Variants in NFS1 observed in about 807,000 individuals in gnomAD.
NFS1 encodes NFS1 cysteine desulfurase, also known as cysteine desulfurase.
NFS1 carries 26 observed loss-of-function variants against 57.3 expected under a neutral mutation model. The ratio of observed to expected loss-of-function variants is 0.45; its 90% CI spans 0.33 to 0.63. NFS1 has a LOEUF of 0.63. NFS1 is among the 20% of genes least tolerant of loss of function. The probability of loss-of-function intolerance (pLI) is 0.02; values close to 1 mark genes in which losing one functional copy is unlikely to be tolerated. For missense variants in NFS1, 505 were observed against 605.8 expected (o/e 0.83, Z 1.75); for synonymous variants, 209 against 216.3 (o/e 0.97, Z 0.30).
chr20:35,681,125 C>T lies in NFS1; in HGVS notation c.656-254G>A, dbSNP rs187159428. Among the ~76,000 whole-genome samples, 387 of 151,846 alleles carry T rather than the reference C, an allele frequency of 2.5e-3. 1 individual carries two copies. Among genetic ancestry groups the T allele is most frequent in the Non-Finnish European group, 3.9e-3 (267 of 67,974 alleles). ...GGGCAAAGCACCAGATCGAAACACT[C>T]GTGATATTCTTATGCATACAATTCT... On this transcript the variant is annotated intron_variant, in intron 6 of 12. Transcript: ENST00000374092.
At chr20:35,684,952 G>A (rs1173046462) in intron 5 of NFS1, among the ~76,000 whole-genome samples, 1 of 150,872 alleles carries the variant, frequency 6.6e-6, no homozygotes, top group Non-Finnish European at 1.5e-5. Context: ...CAGTGGCGGG[G>A]TCTCACTCAC....
Position 35,669,525 on chromosome 20 carries a change from A to G in NFS1, c.*97T>C. 9.3e-7 allele frequency: 1 copy of G among 1,075,906 alleles called. No individual in the cohort carries two copies. Among genetic ancestry groups the G allele is most frequent in the Non-Finnish European group, 1.4e-6 (1 of 692,688 alleles). The allele number at this position is 1,075,906 out of a possible 1,614,324, so 66.6% of individuals were successfully genotyped here. A position where few individuals can be genotyped will look rare whatever the true frequency, so the allele number is the denominator to read the frequency against. On this transcript the variant is annotated 3_prime_UTR_variant, in exon 13 of 13. Transcript: ENST00000374092. Reference sequence around the variant, plus strand: ...TGCTGAAGTCAACTGGTCTATACCAATCTAGAGCATCCACTAGGTGTAACA... The same window carrying G: ...TGCTGAAGTCAACTGGTCTATACCAGTCTAGAGCATCCACTAGGTGTAACA...
At chr20:35,691,852 C>T (rs2035045957) in intron 4 of NFS1, among the ~76,000 whole-genome samples, 1 of 151,148 alleles carries the variant, frequency 6.6e-6, no homozygotes, top group African/African-American at 2.4e-5. Flanking sequence ...AGTTTGAGAC[C>T]AGCCTGACGA....
At chr20:35,696,623 C>A (rs1240974056) in intron 3 of NFS1, among the ~76,000 whole-genome samples, 163 bp from the exon 4 acceptor site, 1 of 152,080 alleles carries the variant, frequency 6.6e-6, no homozygotes, top group Non-Finnish European at 1.5e-5. Flanking sequence ...TAGTTATATC[C>A]CAGATCCCAG....
In NFS1 at chr20:35,699,050, A is replaced by T; in HGVS notation, c.97+142T>A. 1 of 1,318,570 alleles carries T rather than the reference A, an allele frequency of 7.6e-7. No homozygotes were observed. The highest frequency in any genetic ancestry group is 9.6e-7 in the Non-Finnish European group (1 of 1,036,470). 81.7% of individuals were successfully genotyped at this position (1,318,570 alleles called of 1,614,324 possible). A position where few individuals can be genotyped will look rare whatever the true frequency, so the allele number is the denominator to read the frequency against. Reference sequence around the variant, plus strand: ...TCAACCGTTCGGGGACCCGCCTAAGAAAGTTTGAGGGATGTGTCATTTGAG... The same window carrying T: ...TCAACCGTTCGGGGACCCGCCTAAGTAAGTTTGAGGGATGTGTCATTTGAG... On this transcript the variant is annotated intron_variant, in intron 1 of 12. Transcript: ENST00000374092. The surrounding 1 kb of genome is among the most constrained non-coding windows in gnomAD (Gnocchi z 4.4).
rs12480661 is a variant in NFS1 at position 35,677,090 on chromosome 20, T to C, written c.791-1888A>G. 5.1e-3 allele frequency among the ~76,000 whole-genome samples: 769 copies of C among 152,256 alleles called. 9 individuals carry two copies. The highest frequency in any genetic ancestry group is 0.048 in the Middle Eastern group (14 of 292). On this transcript the variant is annotated intron_variant, in intron 7 of 12. Transcript: ENST00000374092. ...CCATGTTGGACAGGCTGGTCTCAAA[T>C]TCCTGGCCTCATGATCTGCCCGCCT... is the stretch of plus-strand genomic sequence containing the variant.
chr20:35,683,010 G>A (rs1057125688), intron 5 of NFS1, among the ~76,000 whole-genome samples: 12 of 150,792 alleles, frequency 8.0e-5, no homozygotes, highest in African/African-American at 2.9e-4. Flanking sequence ...CCTGGGAGGC[G>A]GAGCTTGCAG....
intron 12 of NFS1, among the ~76,000 whole-genome samples, chr20:35,672,261 T>G (rs1461704877): frequency 1.3e-5 from 2 of 152,032 alleles, no homozygotes; most frequent in East Asian, 3.9e-4. Flanking sequence ...CCCGGCTTTT[T>G]TTTTTGGGAC....
At chr20:35,689,561 G>A (rs1233929137) in intron 5 of NFS1, among the ~76,000 whole-genome samples, 1 of 152,060 alleles carries the variant, frequency 6.6e-6, no homozygotes, top group African/African-American at 2.4e-5. Context: ...GAGGTCAGGA[G>A]ATAGAGACCA....
At chr20:35,698,988 G>T in intron 1 of NFS1, 1 of 1,325,658 alleles carries the variant, frequency 7.5e-7, no homozygotes, top group Non-Finnish European at 9.6e-7. Flanking sequence ...GGCTCTGGGG[G>T]CCTGTCGCGC....
At chr20:35,674,927 A>G in intron 8 of NFS1, 118 bp downstream of exon 8, 1 of 1,384,578 alleles carries the variant, frequency 7.2e-7, no homozygotes, top group South Asian at 1.2e-5. Context: ...AGGACAAGGA[A>G]GAGTTTTCTT....
intron 4 of NFS1, chr20:35,692,432 G>A (rs117795261): frequency 0.039 from 6,428 of 162,984 alleles, 152 homozygotes; most frequent in African/African-American, 0.071. Context: ...TGTGGTGGTG[G>A]CTAATGCCTA....
chr20:35,676,780 A>AAAAAAAAAAAAAAAAAAAAAAG (rs2034756672), intron 7 of NFS1, among the ~76,000 whole-genome samples: 1 of 146,478 alleles, frequency 6.8e-6, no homozygotes, highest in Non-Finnish European at 1.5e-5. Context: ...AAAAAAAAAA[A>AAAAAAAAAAAAAAAAAAAAAAG]AAAAACCAAG....
In NFS1 at chr20:35,696,340, G is replaced by A. The variant is rs368441689; in HGVS notation, c.408+37C>T. On this transcript the variant is annotated intron_variant, in intron 4 of 12. Coordinates refer to ENST00000374092, the MANE Select transcript of NFS1 (RefSeq NM_021100.5). ...GGAGGGACACTATCTCCTAGGTCAGGAAAGCCCACATACACCCTCTGGTTC... is the reference window on the plus strand; with the variant it reads ...GGAGGGACACTATCTCCTAGGTCAGAAAAGCCCACATACACCCTCTGGTTC... 4.2e-6 allele frequency: 6 copies of A among 1,427,348 alleles called. No homozygotes were observed. The African/African-American group carries it at 4.2e-5, about 10-fold the overall frequency. 88.4% of individuals were successfully genotyped at this position (1,427,348 alleles called of 1,614,324 possible).
chr20:35,675,364 T>C lies in NFS1; in HGVS notation c.791-162A>G, dbSNP rs114577615. 2,125 of 719,794 alleles carry C rather than the reference T, an allele frequency of 3.0e-3. 37 individuals carry two copies. The African/African-American group carries it at 0.035, about 12-fold the overall frequency. The allele number at this position is 719,794 out of a possible 1,614,324, so 44.6% of individuals were successfully genotyped here. A position where few individuals can be genotyped will look rare whatever the true frequency, so the allele number is the denominator to read the frequency against. ...AAAAGAAGAAACAGCAGTAAAAGCA[T>C]AGTATTTAGTAAAATATTTAACATC... is the stretch of plus-strand genomic sequence containing the variant. On this transcript the variant is annotated intron_variant, in intron 7 of 12. Transcript: ENST00000374092.
intron 2 of NFS1, 45 bp downstream of exon 2, chr20:35,698,436 T>C (rs770802658): frequency 7.3e-7 from 1 of 1,367,592 alleles, no homozygotes; most frequent in East Asian, 2.4e-5. Context: ...ATCACGCCCA[T>C]CATTTACTTC....
chr20:35,673,062 C>T (rs2034684105), intron 11 of NFS1, among the ~76,000 whole-genome samples: 1 of 152,054 alleles, frequency 6.6e-6, no homozygotes, highest in Admixed American at 6.6e-5. Context: ...CCAAGGTGGA[C>T]AGATCACATG....
At chr20:35,698,943 C>T in intron 1 of NFS1, 1 of 1,312,030 alleles carries the variant, frequency 7.6e-7, no homozygotes, top group Non-Finnish European at 9.7e-7. Flanking sequence ...GCATCTGTAA[C>T]TTGGCCAGGA....
Position 35,675,220 on chromosome 20 carries a change from T to C in NFS1, c.791-18A>G, listed in dbSNP as rs1184058631. The C allele has an allele frequency of 6.3e-7, 1 of 1,575,012 alleles. No homozygotes were observed. The highest frequency in any genetic ancestry group is 1.4e-5 in the African/African-American group (1 of 73,432). On this transcript the variant is annotated intron_variant, in intron 7 of 12. Coordinates refer to ENST00000374092, the MANE Select transcript of NFS1 (RefSeq NM_021100.5). ...ACCAACCCCTGGGAAACAAAATTTGTTACAAAAAACAGAAAGAGAGAAAAG... is the reference window on the plus strand; with the variant it reads ...ACCAACCCCTGGGAAACAAAATTTGCTACAAAAAACAGAAAGAGAGAAAAG...
Sources: allele counts gnomAD v4.1 joint callset (sites outside exome capture counted in the v4.1 genomes callset), GRCh38; gene constraint gnomAD v4.1.1; non-coding constraint Gnocchi (gnomAD v3.1); transcripts MANE v1.5; gene names NCBI Gene and HGNC (gene_info 2026-07-23, HGNC 2026-07-21).